The following FBN1 variants were observed in gnomAD, a reference collection of about 807,000 sequenced individuals.
FBN1 encodes fibrillin-1.
In FBN1, 29 loss-of-function variants were observed where a neutral mutation model predicts 365.1. The ratio of observed to expected loss-of-function variants is 0.08; its 90% CI spans 0.06 to 0.11. The LOEUF is 0.11. Among genes scored for constraint, FBN1 ranks in the 10% least tolerant of loss-of-function variants. The probability of loss-of-function intolerance (pLI) is 1.00; values close to 1 mark genes in which losing one functional copy is unlikely to be tolerated. For synonymous variants in FBN1, 1,210 were observed against 1,270.5 expected, an observed-to-expected ratio of 0.95 and a Z score of 1.01; for missense variants, 2,476 against 3,703.2, an observed-to-expected ratio of 0.67 and a Z score of 8.60.
intron 48 of FBN1, among the ~76,000 whole-genome samples, chr15:48,444,895 G>C (rs1360251316): frequency 7.0e-6 from 1 of 142,716 alleles, no homozygotes; most frequent in East Asian, 2.1e-4. Flanking sequence ...AATGTTTCCA[G>C]AAAATTGTAG....
chr15:48,638,037 C>A (rs1296386400), intron 2 of FBN1, among the ~76,000 whole-genome samples: 1 of 144,622 alleles, frequency 6.9e-6, no homozygotes, highest in Non-Finnish European at 1.5e-5. Flanking sequence ...CACTGATAAA[C>A]TTTTTTTTTT....
chr15:48,640,130 T>A (rs1446008672), intron 2 of FBN1, among the ~76,000 whole-genome samples: 1 of 152,194 alleles, frequency 6.6e-6, no homozygotes, highest in East Asian at 1.9e-4. Context: ...TTCCATCAGC[T>A]CTCATCTCAT....
chr15:48,529,654 A>AGC (rs1187932395), intron 8 of FBN1: 1 of 152,272 alleles, frequency 6.6e-6, no homozygotes, highest in Non-Finnish European at 1.5e-5. Context: ...AAACTGTGGC[A>AGC]GCTGTTTAAA....
chr15:48,538,075 T>C (rs1339000246), intron 6 of FBN1, among the ~76,000 whole-genome samples: 1 of 152,220 alleles, frequency 6.6e-6, no homozygotes, highest in African/African-American at 2.4e-5. Context: ...AATGGAAAAC[T>C]CTTTACAACT....
intron 2 of FBN1, among the ~76,000 whole-genome samples, chr15:48,637,255 T>A (rs1333105490): frequency 6.6e-6 from 1 of 152,198 alleles, no homozygotes; most frequent in Non-Finnish European, 1.5e-5. Context: ...TTCTCTCTAA[T>A]CATCTACCCT....
intron 50 of FBN1, among the ~76,000 whole-genome samples, chr15:48,439,765 AT>A (rs1373041752): frequency 6.6e-6 from 1 of 152,062 alleles, no homozygotes; most frequent in African/African-American, 2.4e-5. Flanking sequence ...AAAAAAAAAA[AT>A]CTTGGCATTA....
chr15:48,505,761 T>C lies in FBN1; in HGVS notation c.1838-614A>G, dbSNP rs1480429634. 3.3e-5 allele frequency among the ~76,000 whole-genome samples: 5 copies of C among 152,222 alleles called. No individual in the cohort carries two copies. The South Asian group carries it at 1.0e-3, about 32-fold the overall frequency. ...GAACCCAGCAAAGAAAAATCTTTCT[T>C]AAACTTTACAAACACTTTATGGTAT... On this transcript the variant is annotated intron_variant, in intron 15 of 65. Transcript: ENST00000316623.
intron 32 of FBN1, among the ~76,000 whole-genome samples, chr15:48,479,143 A>G (rs2043447756): frequency 6.6e-6 from 1 of 152,234 alleles, no homozygotes; most frequent in Non-Finnish European, 1.5e-5. Flanking sequence ...GCCATCACCA[A>G]GGTAACCTGA....
intron 13 of FBN1, among the ~76,000 whole-genome samples, chr15:48,511,386 CA>C (rs914468803): frequency 7.4e-5 from 11 of 147,718 alleles, no homozygotes; most frequent in African/African-American, 9.9e-5. Context: ...GCTCCACACT[CA>C]AAAAAAAATG....
At chr15:48,599,099 G>A (rs564177083) in intron 5 of FBN1, among the ~76,000 whole-genome samples, 15 of 152,192 alleles carry the variant, frequency 9.9e-5, no homozygotes, top group African/African-American at 3.6e-4. Flanking sequence ...TTATAAATTG[G>A]CCAGTCTTGG....
chr15:48,494,870 C>T (rs1297979708), intron 22 of FBN1, among the ~76,000 whole-genome samples: 1 of 152,212 alleles, frequency 6.6e-6, no homozygotes, highest in Non-Finnish European at 1.5e-5. Context: ...CCCAAGAGAG[C>T]TGGCAGGCAC....
intron 6 of FBN1, among the ~76,000 whole-genome samples, chr15:48,552,314 C>G (rs1169408490): frequency 6.6e-6 from 1 of 150,984 alleles, no homozygotes; most frequent in Non-Finnish European, 1.5e-5. Context: ...ATTGTGTCGC[C>G]CTAGCTAGAG....
At chr15:48,568,847 T>C (rs1464745947) in intron 6 of FBN1, among the ~76,000 whole-genome samples, 1 of 152,010 alleles carries the variant, frequency 6.6e-6, no homozygotes, top group African/African-American at 2.4e-5. Flanking sequence ...TAATTCAAAA[T>C]GGATCACAGA....
intron 3 of FBN1, among the ~76,000 whole-genome samples, chr15:48,612,488 T>C (rs2044663980): frequency 1.3e-5 from 2 of 152,244 alleles, no homozygotes; most frequent in African/African-American, 2.4e-5. Context: ...TGGGGAAATC[T>C]GGAAGTTTGC....
chr15:48,465,914 G>C, intron 38 of FBN1, 56 bp from the exon 39 acceptor site: 2 of 1,194,868 alleles, frequency 1.7e-6, no homozygotes, highest in Non-Finnish European at 2.5e-6. Context: ...TTTAGAAATA[G>C]TATCCTCAAG....
intron 15 of FBN1, 136 bp downstream of exon 15, chr15:48,508,446 T>C (rs2043729296): frequency 4.8e-6 from 5 of 1,033,542 alleles, no homozygotes; most frequent in Non-Finnish European, 7.4e-6. Context: ...AAGAAGGAGT[T>C]TCAGTCAGGT....
At chr15:48,489,745 C>T (rs2043540022) in intron 25 of FBN1, 106 bp downstream of exon 25, 2 of 913,142 alleles carry the variant, frequency 2.2e-6, no homozygotes, top group Non-Finnish European at 3.6e-6. Flanking sequence ...ATTCAGAAAG[C>T]AAAAAGTCCA....
At chr15:48,427,946 G>C in intron 57 of FBN1, 173 bp from the exon 58 acceptor site, 1 of 712,452 alleles carries the variant, frequency 1.4e-6, no homozygotes, top group Non-Finnish European at 2.5e-6. Flanking sequence ...GATGACGTCT[G>C]AGGGAAACAA....
rs145666070 is a variant in FBN1, at chr15:48,408,920, T to C, written c.*2070A>G. On this transcript the variant is annotated 3_prime_UTR_variant, in exon 66 of 66. Coordinates refer to ENST00000316623, the MANE Select transcript of FBN1 (RefSeq NM_000138.5). ...AAGACATTTTCCATATGCAAACTGTTGTTTACCATATGCTATATATTCTTC... is the reference window on the plus strand; with the variant it reads ...AAGACATTTTCCATATGCAAACTGTCGTTTACCATATGCTATATATTCTTC... 3.1e-4 allele frequency: 47 copies of C among 152,444 alleles called. 1 individual carries two copies. Among genetic ancestry groups the C allele is most frequent in the African/African-American group, 1.1e-3 (46 of 41,584 alleles). The allele number at this position is 152,444 out of a possible 1,614,324, so 9.4% of individuals were successfully genotyped here.
Sources: allele counts gnomAD v4.1 joint callset (sites outside exome capture counted in the v4.1 genomes callset), GRCh38; gene constraint gnomAD v4.1.1; transcripts MANE v1.5; gene names NCBI Gene and HGNC (gene_info 2026-07-23, HGNC 2026-07-21).